Variants in MYOF observed in about 807,000 individuals in gnomAD.
MYOF encodes the protein fer-1-like 3, myoferlin.
In MYOF, 244 loss-of-function variants were observed where a neutral mutation model predicts 284.2. That is an observed-to-expected ratio of 0.86 (90% CI 0.77 to 0.95). The LOEUF is 0.95. Ranked by LOEUF, MYOF falls within the 40% of genes least tolerant of loss-of-function variation. The pLI, the probability that MYOF is intolerant of heterozygous loss-of-function variation, is 0.00. For synonymous variants in MYOF, 904 were observed against 919.7 expected, an observed-to-expected ratio of 0.98 and a Z score of 0.31; for missense variants, 2,496 against 2,560.6, an observed-to-expected ratio of 0.97 and a Z score of 0.54.
intron 3 of MYOF, among the ~76,000 whole-genome samples, chr10:93,446,747 T>C (rs966046470): frequency 6.6e-6 from 1 of 152,016 alleles, no homozygotes; most frequent in East Asian, 1.9e-4. Flanking sequence ...TTTTTTTTTT[T>C]TCTCACTCCG....
intron 3 of MYOF, among the ~76,000 whole-genome samples, chr10:93,451,784 G>A (rs574521449): frequency 6.6e-6 from 1 of 152,258 alleles, no homozygotes; most frequent in Admixed American, 6.5e-5. Context: ...ATGTGAACAG[G>A]CTTCACTCTA....
In MYOF at chr10:93,354,666, ACTCTCTCTCTCT is replaced by A. The variant is rs140255016; in HGVS notation, c.3404-790_3404-779del. On this transcript the variant is annotated intron_variant, in intron 31 of 53. Transcript: ENST00000359263. The stretch of plus-strand genomic sequence containing the variant: ...CTCTGTCTCTATCACTCACACATTC[ACTCTCTCTCTCT>A]CTCTCTCTCTCTCTCTCTCTCTCTT... Among the ~76,000 whole-genome samples the A allele has an allele frequency of 2.1e-4, 25 of 119,316 alleles. 1 individual carries two copies. The highest frequency in any genetic ancestry group is 1.4e-3 in the East Asian group (6 of 4,180). The allele number at this position is 119,316 out of a possible 152,430, so 78.3% of individuals were successfully genotyped here.
rs12262721 is a variant in MYOF at position 93,404,052 on chromosome 10, G to A, written c.814C>T (p.Arg272Trp). 35 of 1,613,980 alleles carry A rather than the reference G, an allele frequency of 2.2e-5. No individual in the cohort carries two copies. Among genetic ancestry groups the A allele is most frequent in the East Asian group, 6.7e-5 (3 of 44,880 alleles). The change falls in exon 9 of 54, where the codon CGG becomes TGG. Residue 272 changes from arginine (R) to tryptophan (W), a missense_variant. Around this residue, in one of 3 missense-constraint regions of MYOF, gnomAD observed 2,436 missense variants for 2,480.7 expected, o/e 0.98. Coordinates refer to ENST00000359263, the MANE Select transcript of MYOF (RefSeq NM_013451.4). ...AATTCCCCCATCAGACAATCTGCCC[G>A]CAGAGAGTGAGAATTATAAACCTGG... is the stretch of plus-strand genomic sequence containing the variant. ...SIRVYNSHSL[R>W]ADCLMGEFKI...
chr10:93,386,374 ACC>A (rs1846365396), intron 19 of MYOF, among the ~76,000 whole-genome samples: 1 of 152,206 alleles, frequency 6.6e-6, no homozygotes, highest in Non-Finnish European at 1.5e-5. Context: ...AAAGACTATG[ACC>A]AGGACCTTAT....
chr10:93,403,310 T>C lies in MYOF; in HGVS notation c.844-420A>G, dbSNP rs75217118. ...CTAATGCTACTATTAATATAACCAT[T>C]GACTGGGCACTTCAATGTGCCAGGT... is the stretch of plus-strand genomic sequence containing the variant. On this transcript the variant is annotated intron_variant, in intron 9 of 53. Transcript: ENST00000359263. Among the ~76,000 whole-genome samples the C allele has an allele frequency of 2.4e-4, 37 of 152,330 alleles. No individual in the cohort carries two copies. In the East Asian group the frequency reaches 6.9e-3, roughly 29 times the overall value.
At chr10:93,308,250 A>T (rs200389875) in intron 53 of MYOF, among the ~76,000 whole-genome samples, 1 of 127,884 alleles carries the variant, frequency 7.8e-6, no homozygotes, top group South Asian at 2.6e-4. Context: ...CTCAAAAAAA[A>T]TAAAAAATAA....
chr10:93,389,265 T>C, intron 17 of MYOF, 111 bp from the exon 18 acceptor site: 7 of 1,271,654 alleles, frequency 5.5e-6, no homozygotes, highest in Non-Finnish European at 7.3e-6. Context: ...TTTTGGGAGT[T>C]AGTTGTATTA....
chr10:93,445,072 A>G (rs759255934), intron 3 of MYOF, among the ~76,000 whole-genome samples: 1 of 152,248 alleles, frequency 6.6e-6, no homozygotes, highest in Non-Finnish European at 1.5e-5. Context: ...GTAGCAATAC[A>G]CTGATATTGA....
At chr10:93,451,270 G>A (rs2134301578) in intron 3 of MYOF, among the ~76,000 whole-genome samples, 1 of 152,094 alleles carries the variant, frequency 6.6e-6, no homozygotes, top group African/African-American at 2.4e-5. Flanking sequence ...AACCTGGGAG[G>A]TGAAGGTTGC....
At chr10:93,458,496 G>T (rs574519151) in intron 1 of MYOF, among the ~76,000 whole-genome samples, 2 of 152,268 alleles carry the variant, frequency 1.3e-5, no homozygotes, top group African/African-American at 4.8e-5. Flanking sequence ...AGCACTTTGG[G>T]AGGCCAAGGC....
At chr10:93,471,744 C>T (rs931486384) in intron 1 of MYOF, among the ~76,000 whole-genome samples, 2 of 152,060 alleles carry the variant, frequency 1.3e-5, no homozygotes, top group Non-Finnish European at 2.9e-5. Context: ...CAAAAATTAG[C>T]CGGGCATTGT....
chr10:93,356,925 A>G, intron 29 of MYOF, 77 bp from the exon 30 acceptor site: 1 of 1,366,260 alleles, frequency 7.3e-7, no homozygotes, highest in South Asian at 1.4e-5. Flanking sequence ...AGGTTATATG[A>G]TCAATCAACA....
chr10:93,320,819 A>T (rs1842813640), intron 48 of MYOF, among the ~76,000 whole-genome samples: 1 of 152,196 alleles, frequency 6.6e-6, no homozygotes, highest in Non-Finnish European at 1.5e-5. Flanking sequence ...ACTGCACATT[A>T]GAATCACATT....
intron 31 of MYOF, among the ~76,000 whole-genome samples, chr10:93,355,134 C>G (rs1844736256): frequency 6.6e-6 from 1 of 152,166 alleles, no homozygotes; most frequent in African/African-American, 2.4e-5. Flanking sequence ...CCACCCTTCA[C>G]CTTATATGTG....
chr10:93,428,471 G>A (rs1047294918), intron 4 of MYOF, among the ~76,000 whole-genome samples: 5 of 151,664 alleles, frequency 3.3e-5, no homozygotes, highest in African/African-American at 1.2e-4. Flanking sequence ...CTCCCAAAGT[G>A]CTGGGATTAT....
intron 51 of MYOF, 109 bp from the exon 52 acceptor site, chr10:93,310,752 TC>T: frequency 9.8e-7 from 1 of 1,018,654 alleles, no homozygotes; most frequent in African/African-American, 1.6e-5. Flanking sequence ...TGTAAAACAA[TC>T]CTTAGATTGC....
intron 26 of MYOF, among the ~76,000 whole-genome samples, chr10:93,364,852 A>C (rs1232740926): frequency 6.6e-6 from 1 of 152,118 alleles, no homozygotes; most frequent in Non-Finnish European, 1.5e-5. Flanking sequence ...ACAGGAAAGG[A>C]ATCAAAAAAA....
At chr10:93,453,081 TA>T (rs1396251682) in intron 2 of MYOF, among the ~76,000 whole-genome samples, 1 of 152,140 alleles carries the variant, frequency 6.6e-6, no homozygotes, top group African/African-American at 2.4e-5. Context: ...CAGAACTTCT[TA>T]AAAAATTATT....
chr10:93,351,354 G>A, intron 34 of MYOF, 59 bp from the exon 35 acceptor site: 1 of 1,609,640 alleles, frequency 6.2e-7, no homozygotes, highest in Non-Finnish European at 8.5e-7. Flanking sequence ...ACAGTGCCTA[G>A]AATTAACATG....
Sources: gnomAD v4.1 joint callset for allele counts (sites outside exome capture counted in the v4.1 genomes callset) on GRCh38, gnomAD v4.1.1 for gene constraint, gnomAD v4.1.1 regional missense constraint, MANE v1.5 for transcripts, NCBI Gene and HGNC (gene_info 2026-07-23, HGNC 2026-07-21) for gene names.